The following RBFOX1 variants were observed in gnomAD, a reference collection of about 807,000 sequenced individuals.
RBFOX1 encodes RNA binding fox-1 homolog 1, also known as RNA binding protein fox-1 homolog 1.
A neutral mutation model predicts 57.7 loss-of-function variants in RBFOX1; 8 were observed. The ratio of observed to expected loss-of-function variants is 0.14; its 90% confidence interval spans 0.08 to 0.25. The LOEUF (loss-of-function observed/expected upper bound fraction) is 0.25, where lower values mean the gene tolerates loss of function less well. Ranked by LOEUF, RBFOX1 falls within the 10% of genes least tolerant of loss-of-function variation. The pLI is 1.00. For missense variants in RBFOX1, 611 were observed against 548.5 expected, an observed-to-expected ratio of 1.11 and a Z score of -1.14; for synonymous variants, 326 against 222.4, an observed-to-expected ratio of 1.47 and a Z score of -4.15.
intron 3 of RBFOX1, among the ~76,000 whole-genome samples, chr16:7,051,412 C>A (rs563415565): frequency 6.6e-6 from 1 of 152,222 alleles, no homozygotes; most frequent in Admixed American, 6.5e-5. Flanking sequence ...GTCAGTAGGG[C>A]AAAGATAATT....
intron 3 of RBFOX1, among the ~76,000 whole-genome samples, chr16:6,706,375 C>T (rs1045029739): frequency 3.3e-5 from 5 of 152,154 alleles, no homozygotes; most frequent in African/African-American, 4.8e-5. Flanking sequence ...TGTAGCAGCC[C>T]AATTAATAGG....
rs1176646169 is a variant in RBFOX1 at position 6,270,552 on chromosome 16, C to T, written c.-126-46443C>T. Among the ~76,000 whole-genome samples, 4 of 150,390 alleles carry T rather than the reference C, an allele frequency of 2.7e-5. 1 individual carries two copies. Among genetic ancestry groups the T allele is most frequent in the East Asian group, 3.9e-4 (2 of 5,140 alleles). ...AACAAGAATAGCATTCCTAAATGTG[C>T]ACTCATTAAACACAGAGCTACACAA... is the stretch of plus-strand genomic sequence containing the variant. On this transcript the variant is annotated intron_variant, in intron 1 of 15. Transcript: ENST00000550418.
At chr16:7,433,824 C>T (rs185996122) in intron 4 of RBFOX1, among the ~76,000 whole-genome samples, 1 of 152,160 alleles carries the variant, frequency 6.6e-6, no homozygotes, top group Non-Finnish European at 1.5e-5. Context: ...TCTAAAAATA[C>T]TTATTTAACA....
rs554214492 is a variant in RBFOX1 at position 6,700,281 on chromosome 16, G to A, written c.-16+45631G>A. ...TCAATAGCTGAACCCAAGGCTTGTT[G>A]AAATGAAATGAAAAATAACAGTATA... On this transcript the variant is annotated intron_variant, in intron 3 of 15. Coordinates refer to ENST00000550418, the MANE Select transcript of RBFOX1 (RefSeq NM_018723.4). Among the ~76,000 whole-genome samples, 3 of 151,996 alleles carry A rather than the reference G, an allele frequency of 2.0e-5. No individual in the cohort carries two copies. In the South Asian group the frequency reaches 6.2e-4, roughly 32 times the overall value.
chr16:6,538,181 C>G lies in RBFOX1; in HGVS notation c.-63-116422C>G, dbSNP rs188666075. ...TAAGCATGTGGAAATATGCTCAACA[C>G]CATTAGTCATTAGAGAAATGCAAAT... On this transcript the variant is annotated intron_variant, in intron 2 of 15. Coordinates refer to ENST00000550418, the MANE Select transcript of RBFOX1 (RefSeq NM_018723.4). Among the ~76,000 whole-genome samples, 227 of 152,248 alleles carry G rather than the reference C, an allele frequency of 1.5e-3. 1 individual carries two copies. Among genetic ancestry groups the G allele is most frequent in the Non-Finnish European group, 2.0e-3 (134 of 68,020 alleles).
At chr16:7,448,113 C>G (rs997398614) in intron 4 of RBFOX1, among the ~76,000 whole-genome samples, 2 of 152,340 alleles carry the variant, frequency 1.3e-5, no homozygotes, top group African/African-American at 4.8e-5. Flanking sequence ...ACTTGAGACT[C>G]AAAGGATGAA....
intron 2 of RBFOX1, among the ~76,000 whole-genome samples, chr16:5,568,336 C>A (rs1283853565): frequency 1.3e-5 from 2 of 152,176 alleles, no homozygotes; most frequent in African/African-American, 4.8e-5. Flanking sequence ...CCAAGACCTC[C>A]CTGTGACACG....
At chr16:5,323,311 CCTTCCT>C (rs2064465090) in intron 1 of RBFOX1, among the ~76,000 whole-genome samples, 1 of 152,230 alleles carries the variant, frequency 6.6e-6, no homozygotes, top group South Asian at 2.1e-4. Context: ...TTTCTCCTCC[CCTTCCT>C]CTTTTACCAT....
rs115514789 is a variant in RBFOX1, at chr16:7,165,410, G to A, written c.27+113312G>A. ...CTGTAATAATAATAATAATAATAATGATAATAATCATTATTATTATTATTA... is the reference window on the plus strand; with the variant it reads ...CTGTAATAATAATAATAATAATAATAATAATAATCATTATTATTATTATTA... On this transcript the variant is annotated intron_variant, in intron 4 of 15. Transcript: ENST00000550418. Among the ~76,000 whole-genome samples the A allele has an allele frequency of 9.5e-3, 239 of 25,074 alleles. 1 individual carries two copies. The highest frequency in any genetic ancestry group is 0.012 in the Admixed American group (28 of 2,412). 16.4% of individuals were successfully genotyped at this position (25,074 alleles called of 152,430 possible).
At chr16:7,202,890 A>C (rs2088960803) in intron 4 of RBFOX1, among the ~76,000 whole-genome samples, 1 of 152,108 alleles carries the variant, frequency 6.6e-6, no homozygotes, top group Non-Finnish European at 1.5e-5. Flanking sequence ...AGCCTCAAAG[A>C]AATGTTCTTT....
At chr16:6,440,632 C>G (rs894154526) in intron 2 of RBFOX1, among the ~76,000 whole-genome samples, 2 of 151,894 alleles carry the variant, frequency 1.3e-5, no homozygotes, top group Non-Finnish European at 2.9e-5. Context: ...GAAAACCTGT[C>G]TTTACTAAAA....
chr16:6,051,598 T>C (rs953795342), intron 1 of RBFOX1, among the ~76,000 whole-genome samples: 10 of 152,048 alleles, frequency 6.6e-5, no homozygotes, highest in Admixed American at 3.3e-4. Flanking sequence ...TGAGTCTCTG[T>C]CACCCAGACT....
At chr16:5,372,670 G>C (rs192376615) in intron 1 of RBFOX1, among the ~76,000 whole-genome samples, 1 of 152,124 alleles carries the variant, frequency 6.6e-6, no homozygotes, top group African/African-American at 2.4e-5. Flanking sequence ...GAACAGAATC[G>C]GCTTTGCAAG....
At chr16:5,982,246 C>T (rs1198744750) in intron 4 of RBFOX1, among the ~76,000 whole-genome samples, 1 of 151,946 alleles carries the variant, frequency 6.6e-6, no homozygotes, top group Non-Finnish European at 1.5e-5. Flanking sequence ...CAGGGATGTT[C>T]CCACCATAGG....
Position 7,062,893 on chromosome 16 carries a change from A to ATTTTTTTTTTTTTTTT in RBFOX1, c.27+10815_27+10830dup, listed in dbSNP as rs1170936027. Among the ~76,000 whole-genome samples, 41 of 47,270 alleles carry ATTTTTTTTTTTTTTTT rather than the reference A, an allele frequency of 8.7e-4. 1 individual carries two copies. The highest frequency in any genetic ancestry group is 9.6e-4 in the Non-Finnish European group (25 of 25,952). 31.0% of individuals were successfully genotyped at this position (47,270 alleles called of 152,430 possible). A position where few individuals can be genotyped will look rare whatever the true frequency, so the allele number is the denominator to read the frequency against. Reference sequence around the variant, plus strand: ...ACCTCATCTCATTCAAATGATCGCCATTTTTTTTTTTTTTTTTTTTTTTTT... The same window carrying ATTTTTTTTTTTTTTTT: ...ACCTCATCTCATTCAAATGATCGCCATTTTTTTTTTTTTTTTTTTTTTTTTTTTTTTTTTTTTTTTT... On this transcript the variant is annotated intron_variant, in intron 4 of 15. Coordinates refer to ENST00000550418, the MANE Select transcript of RBFOX1 (RefSeq NM_018723.4).
At chr16:6,780,375 A>G (rs1257793453) in intron 3 of RBFOX1, among the ~76,000 whole-genome samples, 25 of 104,258 alleles carry the variant, frequency 2.4e-4, no homozygotes, top group Middle Eastern at 0.011. Flanking sequence ...ATTTATAGAT[A>G]TATTTATACA....
intron 2 of RBFOX1, among the ~76,000 whole-genome samples, chr16:6,415,770 C>A (rs765186891): frequency 9.9e-5 from 15 of 152,170 alleles, no homozygotes; most frequent in Non-Finnish European, 2.2e-4. Context: ...GTAACCCCCA[C>A]AACCTCAGGA....
chr16:7,026,010 T>A (rs937470775), intron 3 of RBFOX1, among the ~76,000 whole-genome samples: 9 of 152,090 alleles, frequency 5.9e-5, no homozygotes, highest in Admixed American at 5.9e-4. Context: ...GGGTTTGGGA[T>A]CAGACCCCAG....
intron 4 of RBFOX1, among the ~76,000 whole-genome samples, chr16:5,968,333 C>A (rs2059892525): frequency 6.6e-6 from 1 of 152,174 alleles, no homozygotes; most frequent in Non-Finnish European, 1.5e-5. Flanking sequence ...CCTCAGCCTC[C>A]CCAAGTGCTG....
Sources: allele counts gnomAD v4.1 joint callset (sites outside exome capture counted in the v4.1 genomes callset), GRCh38; gene constraint gnomAD v4.1.1; transcripts MANE v1.5; gene names NCBI Gene and HGNC (gene_info 2026-07-23, HGNC 2026-07-21).